THEMIS: variants seen among roughly 807,000 people sequenced by gnomAD.
THEMIS encodes the protein protein THEMIS.
In THEMIS, 37 loss-of-function variants were observed where a neutral mutation model predicts 52.6. The ratio of observed to expected loss-of-function variants is 0.70; its 90% CI spans 0.54 to 0.93. The LOEUF (loss-of-function observed/expected upper bound fraction) is 0.93. THEMIS is among the 40% of genes least tolerant of loss of function. The probability of loss-of-function intolerance (pLI) is 0.00; values close to 1 mark genes in which losing one functional copy is unlikely to be tolerated. For missense variants in THEMIS, 808 were observed against 763.1 expected, an observed-to-expected ratio of 1.06 and a Z score of -0.69; for synonymous variants, 292 against 272.7, an observed-to-expected ratio of 1.07 and a Z score of -0.70.
chr6:127,798,238 A>G (rs1191171609), intron 4 of THEMIS, among the ~76,000 whole-genome samples: 1 of 152,240 alleles, frequency 6.6e-6, no homozygotes, highest in African/African-American at 2.4e-5. Flanking sequence ...TTAAAACCAC[A>G]AGTGTATATT....
chr6:127,731,223 C>T (rs1774781631), intron 4 of THEMIS, among the ~76,000 whole-genome samples: 1 of 152,186 alleles, frequency 6.6e-6, no homozygotes, highest in South Asian at 2.1e-4. Context: ...AATGCAGCTA[C>T]TGTATCAGTG....
At chr6:127,878,424 C>T (rs993623854) in intron 1 of THEMIS, among the ~76,000 whole-genome samples, 1 of 151,200 alleles carries the variant, frequency 6.6e-6, no homozygotes, top group Non-Finnish European at 1.5e-5. Context: ...GACACGTGGC[C>T]ATATAGCTGT....
chr6:127,856,777 G>A (rs1160050429), intron 1 of THEMIS, among the ~76,000 whole-genome samples: 3 of 151,832 alleles, frequency 2.0e-5, no homozygotes, highest in Non-Finnish European at 2.9e-5. Context: ...GTTATCAGCA[G>A]GCTCAAGTCC....
intron 4 of THEMIS, among the ~76,000 whole-genome samples, chr6:127,785,026 C>G (rs1026896856): frequency 5.3e-5 from 8 of 149,964 alleles, no homozygotes; most frequent in African/African-American, 1.2e-4. Context: ...ATCTATCTAC[C>G]TATCAATATC....
intron 4 of THEMIS, among the ~76,000 whole-genome samples, chr6:127,798,804 A>C (rs1371143074): frequency 1.3e-5 from 2 of 151,720 alleles, no homozygotes; most frequent in East Asian, 3.9e-4. Flanking sequence ...TCCTGGCTAA[A>C]ACGGTGAAAC....
chr6:127,734,636 C>T (rs550173268), intron 4 of THEMIS, among the ~76,000 whole-genome samples: 12 of 151,572 alleles, frequency 7.9e-5, no homozygotes, highest in South Asian at 6.3e-4. Context: ...TTTGGGAGGC[C>T]GAGGCAGGCC....
At chr6:127,907,337 A>AT (rs58472332) in intron 1 of THEMIS, among the ~76,000 whole-genome samples, 5,780 of 49,108 alleles carry the variant, frequency 0.12, 1,634 homozygotes, top group Middle Eastern at 0.22. Flanking sequence ...TTAGGCTCGG[A>AT]TTTTTTTTTT....
chr6:127,779,179 C>G (rs1026828159), intron 4 of THEMIS, among the ~76,000 whole-genome samples: 1 of 152,124 alleles, frequency 6.6e-6, no homozygotes, highest in Non-Finnish European at 1.5e-5. Context: ...CTCTAAGTGC[C>G]TGATCTCACT....
intron 4 of THEMIS, among the ~76,000 whole-genome samples, chr6:127,805,535 C>G (rs919118327): frequency 2.6e-5 from 4 of 151,924 alleles, no homozygotes; most frequent in African/African-American, 9.7e-5. Context: ...ATTTCTAAGA[C>G]AAATCTTTTT....
At chr6:127,731,521 C>T (rs531014564) in intron 4 of THEMIS, among the ~76,000 whole-genome samples, 1 of 149,748 alleles carries the variant, frequency 6.7e-6, no homozygotes, top group East Asian at 2.0e-4. Context: ...TAAGCTGTGA[C>T]ATGTATTAGC....
At chr6:127,886,993 T>C (rs1780665747) in intron 1 of THEMIS, among the ~76,000 whole-genome samples, 2 of 151,880 alleles carry the variant, frequency 1.3e-5, no homozygotes, top group Admixed American at 1.3e-4. Context: ...ACCAAAAGCA[T>C]GAGCCCTCCC....
At chr6:127,746,503 T>C (rs889551612) in intron 4 of THEMIS, among the ~76,000 whole-genome samples, 2 of 150,416 alleles carry the variant, frequency 1.3e-5, no homozygotes, top group African/African-American at 4.9e-5. Context: ...GTTAAGATTA[T>C]TCAATCACAA....
chr6:127,749,749 T>C (rs939441129), intron 4 of THEMIS, among the ~76,000 whole-genome samples: 9 of 151,532 alleles, frequency 5.9e-5, no homozygotes, highest in African/African-American at 1.5e-4. Flanking sequence ...AAGATGAAGT[T>C]TAAGCCATAA....
At chr6:127,915,808 G>A (rs572227999) in intron 1 of THEMIS, among the ~76,000 whole-genome samples, 74 of 151,908 alleles carry the variant, frequency 4.9e-4, no homozygotes, top group African/African-American at 1.7e-3. Context: ...CCAACATGAC[G>A]AAACCCCGTC....
intron 4 of THEMIS, among the ~76,000 whole-genome samples, chr6:127,730,459 A>AAG (rs769931721): frequency 8.9e-4 from 133 of 149,812 alleles, no homozygotes; most frequent in South Asian, 2.2e-3. Flanking sequence ...GAAAGAAAGA[A>AAG]AGAAAGAGAA....
At chr6:127,802,271 C>A (rs1238614289) in intron 4 of THEMIS, among the ~76,000 whole-genome samples, 1 of 152,104 alleles carries the variant, frequency 6.6e-6, no homozygotes, top group Non-Finnish European at 1.5e-5. Context: ...CAATGCCTTG[C>A]AAAATAGATT....
chr6:127,730,305 AG>A (rs2114520410), intron 4 of THEMIS, among the ~76,000 whole-genome samples: 1 of 145,344 alleles, frequency 6.9e-6, no homozygotes, highest in African/African-American at 2.7e-5. Context: ...AGAAAAGAAA[AG>A]AAAAGAAAAG....
intron 4 of THEMIS, among the ~76,000 whole-genome samples, chr6:127,810,489 G>A (rs908112104): frequency 5.9e-5 from 9 of 152,262 alleles, no homozygotes; most frequent in African/African-American, 2.2e-4. Flanking sequence ...AAGGGCTTGG[G>A]GAAAGAGTTC....
At chr6:127,821,606 C>T (rs1778343057) in intron 3 of THEMIS, among the ~76,000 whole-genome samples, 2 of 151,522 alleles carry the variant, frequency 1.3e-5, no homozygotes. Flanking sequence ...AGTTGTTTCA[C>T]TAAGTTCTTT....
Sources: allele counts gnomAD v4.1 joint callset (sites outside exome capture counted in the v4.1 genomes callset), GRCh38; gene constraint gnomAD v4.1.1; transcripts MANE v1.5; gene names NCBI Gene and HGNC (gene_info 2026-07-23, HGNC 2026-07-21).